GBP6: variants seen among roughly 807,000 people sequenced by gnomAD.
GBP6 encodes guanylate binding protein family member 6, also known as guanylate-binding protein 6.
In GBP6, 54 loss-of-function variants were observed where a neutral mutation model predicts 61.5. That is an observed-to-expected ratio of 0.88 (90% CI 0.71 to 1.10). GBP6 has a LOEUF of 1.10. GBP6 is among the 50% of genes least tolerant of loss of function. The probability of loss-of-function intolerance (pLI) is 0.00; values close to 1 mark genes in which losing one functional copy is unlikely to be tolerated. For synonymous variants in GBP6, 255 were observed against 273.7 expected (o/e 0.93, Z 0.67); for missense variants, 748 against 752.8 (o/e 0.99, Z 0.07).
chr1:89,375,547 CACAT>C (rs1417990086), intron 3 of GBP6, among the ~76,000 whole-genome samples: 1 of 152,134 alleles, frequency 6.6e-6, no homozygotes, highest in Non-Finnish European at 1.5e-5. Context: ...ATTATAAAGA[CACAT>C]GCATGCATAA....
At chr1:89,375,888 CT>C (rs879617410) in intron 3 of GBP6, among the ~76,000 whole-genome samples, 14 of 152,058 alleles carry the variant, frequency 9.2e-5, no homozygotes, top group South Asian at 4.2e-4. Context: ...GGCTTCATAT[CT>C]TTTTTTTCCC....
intron 5 of GBP6, among the ~76,000 whole-genome samples, chr1:89,379,770 A>T (rs1164516930): frequency 1.3e-5 from 2 of 152,264 alleles, no homozygotes; most frequent in African/African-American, 2.4e-5. Context: ...TTAAAAATTC[A>T]TAGGCAGAAG....
chr1:89,382,890 G>A lies in GBP6; in HGVS notation c.1365+14G>A, dbSNP rs2100674324. 6.4e-7 allele frequency: 1 copy of A among 1,572,450 alleles called. No homozygotes were observed. The highest frequency in any genetic ancestry group is 8.8e-7 in the Non-Finnish European group (1 of 1,142,466). On this transcript the variant is annotated intron_variant, in intron 8 of 10. Coordinates refer to ENST00000370456, the MANE Select transcript of GBP6 (RefSeq NM_198460.3). ...AAAGGAGTAAAGGTAAGGAATAAGGGGAGCATGGGGAAGTTTATAGGATAG... is the reference window on the plus strand; with the variant it reads ...AAAGGAGTAAAGGTAAGGAATAAGGAGAGCATGGGGAAGTTTATAGGATAG...
At position 89,368,617 on chromosome 1, in the gene GBP6, G is replaced by T. The variant is rs758780589; in HGVS notation, c.66G>T (p.Leu22Phe). 2 of 1,614,142 alleles carry T rather than the reference G, an allele frequency of 1.2e-6. No individual in the cohort carries two copies. The highest frequency in any genetic ancestry group is 1.7e-6 in the Non-Finnish European group (2 of 1,180,006). ...CLVENNNEQL[L>F]VNQQAIQILE... ...TGGAAAATAACAATGAGCAGCTATT[G>T]GTGAACCAGCAAGCTATACAGATTC... The change falls in exon 2 of 11, where the codon TTG becomes TTT. Residue 22 changes from leucine (L) to phenylalanine (F), a missense_variant. Leu to Phe is a conservative substitution (Grantham distance 22). Transcript: ENST00000370456.
At position 89,381,817 on chromosome 1, in the gene GBP6, A is replaced by T. The variant is rs747873546; in HGVS notation, c.995A>T (p.Asp332Val). 6.2e-7 allele frequency: 1 copy of T among 1,614,084 alleles called. No individual in the cohort carries two copies. The highest frequency in any genetic ancestry group is 1.1e-5 in the South Asian group (1 of 91,084). The change falls in exon 7 of 11, where the codon GAC (aspartate) becomes GTC (valine). Residue 332 changes from aspartate to valine, a missense_variant. Coordinates refer to ENST00000370456, the MANE Select transcript of GBP6 (RefSeq NM_198460.3). The stretch of plus-strand genomic sequence containing the variant: ...TCAGCGGCCGTGCAGAGGGCAGCTG[A>T]CTACTACAGCCAGCAGATGGCCCAG... ...ENSAAVQRAA[D>V]YYSQQMAQRV...
intron 3 of GBP6, among the ~76,000 whole-genome samples, chr1:89,369,973 G>T (rs1652578360): frequency 6.6e-6 from 1 of 152,220 alleles, no homozygotes; most frequent in Non-Finnish European, 1.5e-5. Context: ...TAAAGGTCCT[G>T]CCCACAAAGA....
intron 1 of GBP6, 139 bp from the exon 2 acceptor site, chr1:89,368,390 A>G (rs1235076144): frequency 1.7e-6 from 1 of 577,132 alleles, no homozygotes; most frequent in Non-Finnish European, 3.1e-6. Flanking sequence ...AGAGTGATAA[A>G]AGAAGCCTTG....
chr1:89,368,931 T>G (rs1652541520), intron 2 of GBP6, among the ~76,000 whole-genome samples, 190 bp downstream of exon 2: 1 of 152,190 alleles, frequency 6.6e-6, no homozygotes, highest in Admixed American at 6.5e-5. Flanking sequence ...CTCATTCCCA[T>G]TAAGGAAACT....
In GBP6 at chr1:89,386,747, G is replaced by T. The variant is rs1300883936; in HGVS notation, c.*1278G>T. Among the ~76,000 whole-genome samples the T allele has an allele frequency of 6.6e-6, 1 of 152,190 alleles. No individual in the cohort carries two copies. The highest frequency in any genetic ancestry group is 2.4e-5 in the African/African-American group (1 of 41,424). Reference sequence around the variant, plus strand: ...ATTAAGATTAAGCACTGATAGGAAGGATCCTGCCAACCTTGTCAGTAGTGG... The same window carrying T: ...ATTAAGATTAAGCACTGATAGGAAGTATCCTGCCAACCTTGTCAGTAGTGG... On this transcript the variant is annotated 3_prime_UTR_variant, in exon 11 of 11. Coordinates refer to ENST00000370456, the MANE Select transcript of GBP6 (RefSeq NM_198460.3).
chr1:89,378,311 G>A, intron 4 of GBP6, 99 bp downstream of exon 4: 1 of 1,513,774 alleles, frequency 6.6e-7, no homozygotes, highest in Non-Finnish European at 9.0e-7. Flanking sequence ...AATTACCTGT[G>A]GTGCAGCACA....
chr1:89,368,271 GC>G (rs1292262638), intron 1 of GBP6, among the ~76,000 whole-genome samples: 1 of 152,142 alleles, frequency 6.6e-6, no homozygotes, highest in African/African-American at 2.4e-5. Context: ...GTATTAGTGG[GC>G]CCCCTATTAT....
At chr1:89,368,946 A>G (rs1029260518) in intron 2 of GBP6, among the ~76,000 whole-genome samples, 3 of 152,136 alleles carry the variant, frequency 2.0e-5, no homozygotes, top group African/African-American at 7.2e-5. Flanking sequence ...GAAACTCTAC[A>G]TTACTAGTGC....
At chr1:89,383,630 G>A (rs1289675660) in intron 8 of GBP6, 22 bp from the exon 9 acceptor site, 4 of 1,493,482 alleles carry the variant, frequency 2.7e-6, no homozygotes, top group Non-Finnish European at 3.7e-6. Flanking sequence ...AGAAATCTAA[G>A]TGCTTTTTCT....
chr1:89,382,998 A>C (rs10733091), intron 8 of GBP6, 122 bp downstream of exon 8: 471,181 of 607,406 alleles, frequency 0.78, 183,258 homozygotes, highest in African/African-American at 0.88. Context: ...ATGTCCACTA[A>C]TTAATATTTA....
chr1:89,366,905 A>G (rs1335647), intron 1 of GBP6, among the ~76,000 whole-genome samples: 55,053 of 151,914 alleles, frequency 0.36, 10,176 homozygotes, highest in Admixed American at 0.42. Context: ...ACCTCATACA[A>G]TATTTGTTCT....
chr1:89,368,818 C>A, intron 2 of GBP6, 77 bp downstream of exon 2: 3 of 1,358,292 alleles, frequency 2.2e-6, no homozygotes, highest in Non-Finnish European at 3.1e-6. Flanking sequence ...TACCCCAGAG[C>A]ACATGAAGGT....
intron 5 of GBP6, among the ~76,000 whole-genome samples, chr1:89,379,733 T>G (rs1163683213): frequency 1.3e-5 from 2 of 152,238 alleles, no homozygotes; most frequent in Non-Finnish European, 2.9e-5. Flanking sequence ...CTTTCATTTT[T>G]CTATTTATGC....
intron 3 of GBP6, among the ~76,000 whole-genome samples, chr1:89,373,258 G>A (rs541439999): frequency 3.9e-5 from 6 of 152,298 alleles, no homozygotes; most frequent in South Asian, 2.1e-4. Context: ...ACAGTGTGGC[G>A]ATTCCTCAAG....
In GBP6 at chr1:89,385,573, GC is replaced by G; in HGVS notation, c.*107del. 1 of 1,114,874 alleles carries G rather than the reference GC, an allele frequency of 9.0e-7. No individual in the cohort carries two copies. Among genetic ancestry groups the G allele is most frequent in the Non-Finnish European group, 1.2e-6 (1 of 816,170 alleles). The allele number at this position is 1,114,874 out of a possible 1,614,324, so 69.1% of individuals were successfully genotyped here. On this transcript the variant is annotated 3_prime_UTR_variant, in exon 11 of 11. Transcript: ENST00000370456. ...TTTTTTTTCAGAGTCTTACTCTGTT[GC>G]CCAGGCTGGAGTACAGTGGTGCAAT...
Sources: allele counts gnomAD v4.1 joint callset (sites outside exome capture counted in the v4.1 genomes callset), GRCh38; gene constraint gnomAD v4.1.1; transcripts MANE v1.5; gene names NCBI Gene and HGNC (gene_info 2026-07-23, HGNC 2026-07-21).